ADAMTSL2: variants seen among roughly 807,000 people sequenced by gnomAD.
ADAMTSL2 encodes ADAMTS-like protein 2.
A neutral mutation model predicts 117.0 loss-of-function variants in ADAMTSL2; 55 were observed. The observed-to-expected ratio is 0.47, with a 90% CI of 0.38 to 0.59. The LOEUF (loss-of-function observed/expected upper bound fraction) is 0.59, where lower values mean the gene tolerates loss of function less well. ADAMTSL2 is among the 20% of genes least tolerant of loss of function. The pLI, the probability that ADAMTSL2 is intolerant of heterozygous loss-of-function variation, is 0.00. For synonymous variants in ADAMTSL2, 572 were observed against 566.4 expected, an observed-to-expected ratio of 1.01 and a Z score of -0.14; for missense variants, 1,182 against 1,354.5, an observed-to-expected ratio of 0.87 and a Z score of 2.00.
intron 18 of ADAMTSL2, 50 bp from the exon 19 acceptor site, chr9:133,574,696 C>T: frequency 6.4e-7 from 1 of 1,557,886 alleles, no homozygotes; most frequent in Non-Finnish European, 8.9e-7. Flanking sequence ...GTTTTCGCCC[C>T]TTGGCCACCT....
chr9:133,555,102 C>T (rs1328472886), intron 10 of ADAMTSL2, among the ~76,000 whole-genome samples: 1 of 152,202 alleles, frequency 6.6e-6, no homozygotes, highest in South Asian at 2.1e-4. Context: ...GCCCCAGGCG[C>T]CCCTTGGCTG....
At chr9:133,539,653 A>ACGGCTGTCACGGCTGTCC (rs1554810786) in intron 4 of ADAMTSL2, 118 bp from the exon 5 acceptor site, 1 of 678,384 alleles carries the variant, frequency 1.5e-6, no homozygotes, top group Admixed American at 2.3e-5. Flanking sequence ...TGGCCCCCGC[A>ACGGCTGTCACGGCTGTCC]CGGCTGTCCC....
At chr9:133,573,649 C>T (rs372542677) in intron 17 of ADAMTSL2, among the ~76,000 whole-genome samples, 194 bp from the exon 18 acceptor site, 31 of 152,256 alleles carry the variant, frequency 2.0e-4, no homozygotes, top group African/African-American at 7.0e-4. Flanking sequence ...GCCCTTTTGT[C>T]GGCATCTCAA....
Position 133,574,969 on chromosome 9 carries a change from C to T in ADAMTSL2, c.*105C>T, listed in dbSNP as rs1028897723. 129 of 866,214 alleles carry T rather than the reference C, an allele frequency of 1.5e-4. 10 individuals are homozygous for T. The South Asian group carries it at 1.7e-3, about 12-fold the overall frequency. The allele number at this position is 866,214 out of a possible 1,614,324, so 53.7% of individuals were successfully genotyped here. On this transcript the variant is annotated 3_prime_UTR_variant, in exon 19 of 19. Transcript: ENST00000651351. ...CCCCCCTCCTGCGGGGCACGCTGGC[C>T]TAAGAGACGTGGCACTGAGCCTCGG...
At chr9:133,566,896 G>T in intron 12 of ADAMTSL2, 40 bp from the exon 13 acceptor site, 1 of 1,587,796 alleles carries the variant, frequency 6.3e-7, no homozygotes. Flanking sequence ...GCTCCAAGGT[G>T]CCGGCATGGC....
chr9:133,543,984 T>C (rs1830288419), intron 7 of ADAMTSL2, among the ~76,000 whole-genome samples: 2 of 152,232 alleles, frequency 1.3e-5, no homozygotes, highest in South Asian at 2.1e-4. Context: ...GTAGGCTTAG[T>C]TGGAGATTCT....
chr9:133,569,287 C>T lies in ADAMTSL2; in HGVS notation c.2245-121C>T, dbSNP rs1229755214. On this transcript the variant is annotated intron_variant, in intron 15 of 18. Coordinates refer to ENST00000651351, the MANE Select transcript of ADAMTSL2 (RefSeq NM_014694.4). Reference sequence around the variant, plus strand: ...GAAAATGTTATTTAAAAAGTGGTTACCATGGCAACCGCTTCGACACTGCCT... The same window carrying T: ...GAAAATGTTATTTAAAAAGTGGTTATCATGGCAACCGCTTCGACACTGCCT... The T allele has an allele frequency of 3.1e-6, 3 of 960,914 alleles. No homozygotes were observed. In the African/African-American group the frequency reaches 4.9e-5, roughly 16 times the overall value. 59.5% of individuals were successfully genotyped at this position (960,914 alleles called of 1,614,324 possible). A position where few individuals can be genotyped will look rare whatever the true frequency, so the allele number is the denominator to read the frequency against.
Position 133,563,840 on chromosome 9 carries a change from A to T in ADAMTSL2, c.1747+2545A>T, listed in dbSNP as rs144667575. ...GGGGGAGAGAGAGAGAGAGAGAGAG[A>T]GAGGGAGAGAGAGAGAGAGAGAGGG... On this transcript the variant is annotated intron_variant, in intron 12 of 18. Transcript: ENST00000651351. Among the ~76,000 whole-genome samples, 8 of 35,094 alleles carry T rather than the reference A, an allele frequency of 2.3e-4. 1 individual carries two copies. Among genetic ancestry groups the T allele is most frequent in the South Asian group, 7.7e-4 (1 of 1,296 alleles). The allele number at this position is 35,094 out of a possible 152,430, so 23.0% of individuals were successfully genotyped here.
chr9:133,554,758 G>A lies in ADAMTSL2; in HGVS notation c.1276+65G>A. ...GGCAGCCCAGGGAAGGGGGCCTTGG[G>A]GAAGGGGTCTCAGACCCTTTGCAGA... is the stretch of plus-strand genomic sequence containing the variant. On this transcript the variant is annotated intron_variant, in intron 10 of 18. Coordinates refer to ENST00000651351, the MANE Select transcript of ADAMTSL2 (RefSeq NM_014694.4). This position sits in a 1 kb window ranked among gnomAD's most constrained non-coding sequence, Gnocchi z 5.2. 7.3e-7 allele frequency: 1 copy of A among 1,375,564 alleles called. No individual in the cohort carries two copies. Among genetic ancestry groups the A allele is most frequent in the Non-Finnish European group, 9.7e-7 (1 of 1,035,144 alleles). 85.2% of individuals were successfully genotyped at this position (1,375,564 alleles called of 1,614,324 possible).
intron 12 of ADAMTSL2, among the ~76,000 whole-genome samples, chr9:133,566,687 C>G (rs954808367): frequency 7.6e-6 from 1 of 132,304 alleles, no homozygotes; most frequent in Non-Finnish European, 1.6e-5. Flanking sequence ...GCCCGGACTC[C>G]GTGACATGGG....
chr9:133,545,592 C>T (rs937045611), intron 8 of ADAMTSL2, among the ~76,000 whole-genome samples: 3 of 152,226 alleles, frequency 2.0e-5, no homozygotes, highest in Non-Finnish European at 4.4e-5. Flanking sequence ...TACTCCCTGG[C>T]CCGAGCGGGG....
At chr9:133,551,334 G>A (rs1298018044) in intron 9 of ADAMTSL2, among the ~76,000 whole-genome samples, 1 of 152,132 alleles carries the variant, frequency 6.6e-6, no homozygotes, top group East Asian at 1.9e-4. Flanking sequence ...GCTGGAAAGG[G>A]GATGTGTGGG....
Position 133,554,374 on chromosome 9 carries a change from C to A in ADAMTSL2, c.957C>A (p.Gly319=). 1 of 1,556,856 alleles carries A rather than the reference C, an allele frequency of 6.4e-7. No homozygotes were observed. The highest frequency in any genetic ancestry group is 1.3e-5 in the African/African-American group (1 of 74,382). ...TTCCCTAGGTGTGGAACCAGAACGG[C>A]AAAAGCCCCTCCATCACCTTCGAGT... is the stretch of plus-strand genomic sequence containing the variant. ...GLNVMVWNQN[G]KSPSITFEYT... Residue 319 remains glycine, a synonymous_variant, in exon 10 of 19, where the codon GGC becomes GGA. Transcript: ENST00000651351. This position sits in a 1 kb window ranked among gnomAD's most constrained non-coding sequence, Gnocchi z 5.2.
At chr9:133,550,965 C>T (rs1168568748) in intron 9 of ADAMTSL2, among the ~76,000 whole-genome samples, 1 of 152,114 alleles carries the variant, frequency 6.6e-6, no homozygotes, top group Non-Finnish European at 1.5e-5. Context: ...TAGATCCAGC[C>T]ACAGGTACCT....
chr9:133,536,666 A>G lies in ADAMTSL2; in HGVS notation c.-47A>G. ...CCAAAGCGTACCCTGGTCATCTGGA[A>G]GAGGATCGGAGCTGGCCTGGTGGTG... On this transcript the variant is annotated 5_prime_UTR_variant, in exon 2 of 19. Coordinates refer to ENST00000651351, the MANE Select transcript of ADAMTSL2 (RefSeq NM_014694.4). 1.9e-6 allele frequency: 3 copies of G among 1,614,118 alleles called. No homozygotes were observed. The highest frequency in any genetic ancestry group is 2.5e-6 in the Non-Finnish European group (3 of 1,180,022).
At chr9:133,542,080 G>A (rs1830237612) in intron 7 of ADAMTSL2, among the ~76,000 whole-genome samples, 1 of 152,216 alleles carries the variant, frequency 6.6e-6, no homozygotes, top group African/African-American at 2.4e-5. Context: ...AGGCCTGTTA[G>A]GGCCACGGAG....
At chr9:133,547,272 C>A in intron 9 of ADAMTSL2, 59 bp downstream of exon 9, 1 of 1,550,370 alleles carries the variant, frequency 6.5e-7, no homozygotes, top group Non-Finnish European at 8.8e-7. Context: ...TCCCCAGAAT[C>A]CAGCCACAGG....
intron 4 of ADAMTSL2, 120 bp from the exon 5 acceptor site, chr9:133,539,651 G>GAACGGCTGTCCCGGCTGT: frequency 5.9e-5 from 5 of 84,922 alleles, no homozygotes; most frequent in Non-Finnish European, 1.1e-4. Flanking sequence ...CGTGGCCCCC[G>GAACGGCTGTCCCGGCTGT]CACGGCTGTC....
At chr9:133,551,812 CTTTTTTTTTT>C (rs56225051) in intron 9 of ADAMTSL2, among the ~76,000 whole-genome samples, 1 of 111,066 alleles carries the variant, frequency 9.0e-6, no homozygotes, top group African/African-American at 3.8e-5. Context: ...AAAGCAGCAG[CTTTTTTTTTT>C]TTTTTTTTTT....
Sources: allele counts gnomAD v4.1 joint callset (sites outside exome capture counted in the v4.1 genomes callset), GRCh38; gene constraint gnomAD v4.1.1; non-coding constraint Gnocchi (gnomAD v3.1); transcripts MANE v1.5; gene names NCBI Gene and HGNC (gene_info 2026-07-23, HGNC 2026-07-21).